Variants in ZNF385D observed in about 807,000 individuals in gnomAD.
ZNF385D encodes zinc finger protein 385D, also known as zinc finger protein 659.
Under a neutral mutation model 35.8 loss-of-function variants are expected in ZNF385D, and 15 were observed. The ratio of observed to expected loss-of-function variants is 0.42; its 90% CI spans 0.28 to 0.64. The LOEUF is 0.64. Ranked by LOEUF, ZNF385D falls within the 30% of genes least tolerant of loss-of-function variation. The pLI is 0.23. For missense variants in ZNF385D, 474 were observed against 494.6 expected, an observed-to-expected ratio of 0.96 and a Z score of 0.39; for synonymous variants, 212 against 186.8, an observed-to-expected ratio of 1.13 and a Z score of -1.10.
At chr3:21,882,748 T>G (rs892097705) in intron 3 of ZNF385D, among the ~76,000 whole-genome samples, 1 of 152,048 alleles carries the variant, frequency 6.6e-6, no homozygotes, top group African/African-American at 2.4e-5. Context: ...AATTTAGCTT[T>G]CAATTTTCAT....
chr3:21,460,798 A>C (rs1703121485), intron 4 of ZNF385D, among the ~76,000 whole-genome samples: 1 of 152,152 alleles, frequency 6.6e-6, no homozygotes, highest in Admixed American at 6.6e-5. Flanking sequence ...CTTTCTACAG[A>C]AAAATAGCAA....
At chr3:21,456,493 A>T (rs920095968) in intron 4 of ZNF385D, among the ~76,000 whole-genome samples, 11 of 152,144 alleles carry the variant, frequency 7.2e-5, no homozygotes, top group African/African-American at 2.7e-4. Context: ...AGGACAAAAA[A>T]CCAAACACCG....
intron 2 of ZNF385D, among the ~76,000 whole-genome samples, chr3:22,200,311 C>G (rs1317352856): frequency 6.6e-6 from 1 of 151,820 alleles, no homozygotes; most frequent in Non-Finnish European, 1.5e-5. Context: ...GGACAGAGTA[C>G]AAAAGAGAGA....
At chr3:22,131,000 A>T (rs1469711499) in intron 3 of ZNF385D, among the ~76,000 whole-genome samples, 2 of 152,104 alleles carry the variant, frequency 1.3e-5, no homozygotes, top group Non-Finnish European at 2.9e-5. Flanking sequence ...AAAAAAAAAT[A>T]TTGAGAATCA....
Position 22,331,696 on chromosome 3 carries a change from T to C in ZNF385D, c.106+40754A>G, listed in dbSNP as rs116004202. Among the ~76,000 whole-genome samples, 1,106 of 152,282 alleles carry C rather than the reference T, an allele frequency of 7.3e-3. 13 individuals carry two copies. The highest frequency in any genetic ancestry group is 0.027 in the South Asian group (128 of 4,828). On this transcript the variant is annotated intron_variant, in intron 2 of 5. Coordinates refer to the ZNF385D transcript ENST00000494108. ...ATAAGGACTAAATTTGTATCAGCTA[T>C]AGACTACCAAAATATATTGCCCAAT...
chr3:21,973,867 A>G (rs530914503), intron 3 of ZNF385D, among the ~76,000 whole-genome samples: 1 of 152,018 alleles, frequency 6.6e-6, no homozygotes, highest in South Asian at 2.1e-4. Flanking sequence ...TAAAACAAAA[A>G]AGGTGAAAGA....
chr3:22,275,296 A>C (rs1173024812), intron 2 of ZNF385D, among the ~76,000 whole-genome samples: 1 of 152,160 alleles, frequency 6.6e-6, no homozygotes, highest in East Asian at 1.9e-4. Flanking sequence ...GAAGGGTCTA[A>C]CTAGTCCCTT....
intron 3 of ZNF385D, among the ~76,000 whole-genome samples, chr3:22,134,827 T>A (rs538759410): frequency 6.6e-6 from 1 of 152,232 alleles, no homozygotes; most frequent in African/African-American, 2.4e-5. Flanking sequence ...AAGAGGGGTC[T>A]AACTCATACT....
chr3:21,978,793 G>A (rs921187779), intron 3 of ZNF385D, among the ~76,000 whole-genome samples: 9 of 151,870 alleles, frequency 5.9e-5, no homozygotes, highest in Admixed American at 5.9e-4. Context: ...GCATGTGAAA[G>A]GCATGTTTAG....
chr3:21,758,078 T>A (rs2070427628), intron 3 of ZNF385D, among the ~76,000 whole-genome samples: 2 of 152,210 alleles, frequency 1.3e-5, no homozygotes. Flanking sequence ...GATACTTTGT[T>A]TTCTGAGATA....
At chr3:21,794,774 G>C (rs1351571398) in intron 3 of ZNF385D, among the ~76,000 whole-genome samples, 2 of 152,154 alleles carry the variant, frequency 1.3e-5, no homozygotes, top group Non-Finnish European at 2.9e-5. Flanking sequence ...TGGGAAAAGA[G>C]TTTGTAAGAA....
At chr3:21,549,387 G>A (rs1028001246) in intron 3 of ZNF385D, among the ~76,000 whole-genome samples, 2 of 152,190 alleles carry the variant, frequency 1.3e-5, no homozygotes, top group African/African-American at 4.8e-5. Context: ...GCTAAACCCA[G>A]TATTTTTTGC....
intron 3 of ZNF385D, among the ~76,000 whole-genome samples, chr3:21,902,498 T>C (rs1161240925): frequency 6.6e-6 from 1 of 152,172 alleles, no homozygotes; most frequent in Non-Finnish European, 1.5e-5. Context: ...TACATGACTT[T>C]GTTTTCTCCT....
chr3:22,082,982 G>C (rs1025091405), intron 3 of ZNF385D, among the ~76,000 whole-genome samples: 2 of 152,210 alleles, frequency 1.3e-5, no homozygotes, highest in African/African-American at 2.4e-5. Flanking sequence ...TGCAGCTGAG[G>C]ATGCTGACTG....
chr3:21,867,943 A>G (rs373338166), intron 3 of ZNF385D, among the ~76,000 whole-genome samples: 1 of 152,138 alleles, frequency 6.6e-6, no homozygotes, highest in Middle Eastern at 3.2e-3. Context: ...ACACAACCAC[A>G]TATGGGTAGT....
At chr3:21,842,387 C>G (rs574013755) in intron 3 of ZNF385D, among the ~76,000 whole-genome samples, 1 of 152,110 alleles carries the variant, frequency 6.6e-6, no homozygotes, top group South Asian at 2.1e-4. Flanking sequence ...TCTATCAGAT[C>G]TGATTCCTAT....
At chr3:22,106,545 G>A (rs144813130) in intron 3 of ZNF385D, among the ~76,000 whole-genome samples, 1 of 152,060 alleles carries the variant, frequency 6.6e-6, no homozygotes, top group African/African-American at 2.4e-5. Context: ...TTTAGCTCCT[G>A]GGCATCTGAT....
At chr3:21,791,215 T>A (rs952441930) in intron 3 of ZNF385D, among the ~76,000 whole-genome samples, 2 of 152,228 alleles carry the variant, frequency 1.3e-5, no homozygotes, top group African/African-American at 4.8e-5. Context: ...ACATTTTTTT[T>A]AATCAGTCTG....
At chr3:21,808,831 G>A (rs962753990) in intron 3 of ZNF385D, among the ~76,000 whole-genome samples, 2 of 152,194 alleles carry the variant, frequency 1.3e-5, no homozygotes, top group African/African-American at 4.8e-5. Flanking sequence ...ATTGAACAAT[G>A]ATGTGGAACA....
Sources: gnomAD v4.1 joint callset for allele counts (sites outside exome capture counted in the v4.1 genomes callset) on GRCh38, gnomAD v4.1.1 for gene constraint, MANE v1.5 for transcripts, NCBI Gene and HGNC (gene_info 2026-07-23, HGNC 2026-07-21) for gene names.